STPG4: variants seen among roughly 807,000 people sequenced by gnomAD.
The protein encoded by STPG4 is protein STPG4.
Under a neutral mutation model 31.5 loss-of-function variants are expected in STPG4, and 41 were observed. The ratio of observed to expected loss-of-function variants is 1.30; its 90% confidence interval spans 1.01 to 1.69. STPG4 has a LOEUF of 1.69. STPG4 is among the 40% of genes most tolerant of loss of function. The probability of loss-of-function intolerance (pLI) is 0.00; values close to 1 mark genes in which losing one functional copy is unlikely to be tolerated. For synonymous variants in STPG4, 141 were observed against 103.0 expected, an observed-to-expected ratio of 1.37 and a Z score of -2.24; for missense variants, 375 against 293.4, an observed-to-expected ratio of 1.28 and a Z score of -2.03.
At chr2:47,146,164 C>T (rs887233777) in intron 3 of STPG4, among the ~76,000 whole-genome samples, 1 of 152,164 alleles carries the variant, frequency 6.6e-6, no homozygotes, top group African/African-American at 2.4e-5. Context: ...TCCCTGCTGG[C>T]CTTGAGAAAA....
chr2:47,148,948 G>GA (rs1486301302), intron 3 of STPG4, among the ~76,000 whole-genome samples: 2 of 152,102 alleles, frequency 1.3e-5, no homozygotes, highest in African/African-American at 4.8e-5. Flanking sequence ...AATATTCTGT[G>GA]AAAAATTATA....
intron 5 of STPG4, among the ~76,000 whole-genome samples, chr2:47,114,518 T>TA (rs1279120764): frequency 1.3e-5 from 2 of 152,000 alleles, no homozygotes; most frequent in African/African-American, 4.8e-5. Flanking sequence ...AAAATAAAAA[T>TA]AAAATAATAA....
intron 5 of STPG4, among the ~76,000 whole-genome samples, chr2:47,100,596 G>A: frequency 6.6e-6 from 1 of 151,012 alleles, no homozygotes; most frequent in Non-Finnish European, 1.5e-5. Flanking sequence ...CCACACTGTG[G>A]AAGCTTTGTT....
intron 5 of STPG4, among the ~76,000 whole-genome samples, chr2:47,101,539 T>A (rs1322957728): frequency 1.3e-5 from 2 of 151,898 alleles, no homozygotes; most frequent in African/African-American, 4.9e-5. Context: ...TAAAAATTGC[T>A]ACCTGTCTCT....
At chr2:47,138,640 C>G (rs938022919) in intron 3 of STPG4, among the ~76,000 whole-genome samples, 2 of 152,286 alleles carry the variant, frequency 1.3e-5, no homozygotes, top group African/African-American at 2.4e-5. Flanking sequence ...ACCTCTGACT[C>G]CCTGGTTCAA....
At chr2:47,140,324 C>G (rs1408583780) in intron 3 of STPG4, among the ~76,000 whole-genome samples, 1 of 152,124 alleles carries the variant, frequency 6.6e-6, no homozygotes, top group African/African-American at 2.4e-5. Context: ...CAAAATGGTT[C>G]CTTTTCCTCT....
intron 5 of STPG4, among the ~76,000 whole-genome samples, chr2:47,109,449 G>A (rs768792835): frequency 6.6e-6 from 1 of 151,792 alleles, no homozygotes; most frequent in Non-Finnish European, 1.5e-5. Context: ...CCCAGCTACT[G>A]GGGAAGCTGA....
At chr2:47,143,504 G>C (rs953679082) in intron 3 of STPG4, among the ~76,000 whole-genome samples, 2 of 100,332 alleles carry the variant, frequency 2.0e-5, no homozygotes, top group African/African-American at 7.8e-5. Context: ...TTTTTTTTTT[G>C]AGACAGATTC....
At chr2:47,101,158 C>T (rs1370034962) in intron 5 of STPG4, among the ~76,000 whole-genome samples, 1 of 151,794 alleles carries the variant, frequency 6.6e-6, no homozygotes, top group Non-Finnish European at 1.5e-5. Flanking sequence ...AAATACCGGG[C>T]ACCTGTCAGC....
rs577471690 is a variant in STPG4, at chr2:47,101,050, G to A, written c.520-10676C>T. Reference sequence around the variant, plus strand: ...ACAATCGCCAAGCGGTGAGACCATCGCCGAGCAATGAGACCATCACCTATC... The same window carrying A: ...ACAATCGCCAAGCGGTGAGACCATCACCGAGCAATGAGACCATCACCTATC... On this transcript the variant is annotated intron_variant, in intron 5 of 6. Transcript: ENST00000445927. Among the ~76,000 whole-genome samples the A allele has an allele frequency of 2.6e-5, 4 of 151,904 alleles. No homozygotes were observed. The South Asian group carries it at 6.3e-4, about 24-fold the overall frequency.
intron 5 of STPG4, chr2:47,108,418 A>G (rs1280894852): frequency 6.5e-6 from 1 of 154,410 alleles, no homozygotes; most frequent in African/African-American, 2.4e-5. Flanking sequence ...CTCCTGAGCC[A>G]GCGAGACCAC....
intron 1 of STPG4, among the ~76,000 whole-genome samples, chr2:47,154,199 C>T (rs1558691050): frequency 6.6e-6 from 1 of 152,198 alleles, no homozygotes; most frequent in Admixed American, 6.5e-5. Flanking sequence ...TACCACTGGG[C>T]TTTATTTTAT....
At chr2:47,147,652 T>A (rs1309677441) in intron 3 of STPG4, among the ~76,000 whole-genome samples, 15 of 151,990 alleles carry the variant, frequency 9.9e-5, no homozygotes, top group Admixed American at 9.8e-4. Context: ...GAAATTATGA[T>A]ATGAGTAGTG....
chr2:47,096,299 G>C (rs1191713861), intron 5 of STPG4, among the ~76,000 whole-genome samples: 1 of 152,142 alleles, frequency 6.6e-6, no homozygotes, highest in East Asian at 1.9e-4. Flanking sequence ...CTGGTCCAAG[G>C]GGTCCGAGAC....
At chr2:47,117,381 G>A (rs1686174420) in intron 5 of STPG4, among the ~76,000 whole-genome samples, 1 of 152,114 alleles carries the variant, frequency 6.6e-6, no homozygotes, top group South Asian at 2.1e-4. Context: ...GGCTAATTTT[G>A]TAATTTTAGT....
chr2:47,102,518 A>G (rs957884594), intron 5 of STPG4, among the ~76,000 whole-genome samples: 1 of 151,886 alleles, frequency 6.6e-6, no homozygotes, highest in African/African-American at 2.4e-5. Context: ...AGGCAAGGCA[A>G]ATGGAGTGAA....
At chr2:47,107,852 G>T (rs908591015) in intron 5 of STPG4, among the ~76,000 whole-genome samples, 1 of 152,086 alleles carries the variant, frequency 6.6e-6, no homozygotes, top group Non-Finnish European at 1.5e-5. Flanking sequence ...TTAGCACCCT[G>T]TGTCTAGCTC....
chr2:47,123,549 A>G (rs1001555372), intron 5 of STPG4, among the ~76,000 whole-genome samples: 9 of 152,346 alleles, frequency 5.9e-5, no homozygotes, highest in African/African-American at 1.9e-4. Flanking sequence ...GGAAGGGGAC[A>G]GCAAATTTGA....
chr2:47,113,060 G>T (rs1448676800), intron 5 of STPG4, among the ~76,000 whole-genome samples: 2 of 151,420 alleles, frequency 1.3e-5, no homozygotes, highest in Admixed American at 1.3e-4. Flanking sequence ...GTCTCTGGAG[G>T]GAATTTTTTA....
Sources: allele counts gnomAD v4.1 joint callset (sites outside exome capture counted in the v4.1 genomes callset), GRCh38; gene constraint gnomAD v4.1.1; transcripts MANE v1.5; gene names NCBI Gene and HGNC (gene_info 2026-07-23, HGNC 2026-07-21).